CPED1: variants seen among roughly 807,000 people sequenced by gnomAD.
CPED1 encodes cadherin like and PC-esterase domain containing 1.
A neutral mutation model predicts 128.2 loss-of-function variants in CPED1; 114 were observed. The observed-to-expected ratio is 0.89, with a 90% CI of 0.76 to 1.04. The LOEUF (loss-of-function observed/expected upper bound fraction) is 1.04. CPED1 is among the 50% of genes least tolerant of loss of function. The probability of loss-of-function intolerance (pLI) is 0.00; values close to 1 mark genes in which losing one functional copy is unlikely to be tolerated. For missense variants in CPED1, 1,211 were observed against 1,207.1 expected (o/e 1.00, Z -0.05); for synonymous variants, 462 against 426.7 (o/e 1.08, Z -1.02).
At chr7:121,200,987 G>A (rs1274471284) in intron 16 of CPED1, among the ~76,000 whole-genome samples, 8 of 152,082 alleles carry the variant, frequency 5.3e-5, no homozygotes, top group African/African-American at 1.9e-4. Flanking sequence ...GATAGGGCAA[G>A]GCACAGAATC....
chr7:121,186,659 A>G (rs1007072450), intron 16 of CPED1, among the ~76,000 whole-genome samples: 9 of 152,180 alleles, frequency 5.9e-5, no homozygotes, highest in African/African-American at 2.2e-4. Flanking sequence ...TAAAAAAATT[A>G]TGCATCCTGT....
chr7:121,243,776 G>A (rs560669541), intron 17 of CPED1, among the ~76,000 whole-genome samples: 7 of 152,216 alleles, frequency 4.6e-5, no homozygotes, highest in African/African-American at 1.7e-4. Context: ...TTGAGAGCAG[G>A]GAATAGATCT....
chr7:120,997,793 G>A (rs893893118), intron 2 of CPED1, among the ~76,000 whole-genome samples: 3 of 151,792 alleles, frequency 2.0e-5, no homozygotes, highest in Non-Finnish European at 4.4e-5. Context: ...ATGGTGGCGG[G>A]CACCTGTAAT....
At chr7:121,074,509 G>GTTTTTTTGTTTTTTTT (rs1794073181) in intron 5 of CPED1, among the ~76,000 whole-genome samples, 1 of 80,838 alleles carries the variant, frequency 1.2e-5, no homozygotes. Flanking sequence ...TTTCCTTTGT[G>GTTTTTTTGTTTTTTTT]TTTTTTTTTT....
At chr7:121,108,191 A>G in intron 7 of CPED1, among the ~76,000 whole-genome samples, 1 of 152,140 alleles carries the variant, frequency 6.6e-6, no homozygotes, top group East Asian at 1.9e-4. Flanking sequence ...TTAGCAAAGC[A>G]TGGAGCATTT....
intron 5 of CPED1, among the ~76,000 whole-genome samples, chr7:121,089,659 C>A (rs899575782): frequency 1.3e-5 from 2 of 151,954 alleles, no homozygotes; most frequent in African/African-American, 2.4e-5. Flanking sequence ...AGAAAATATT[C>A]CTGAGAAAAA....
rs191801387 is a variant in CPED1, at chr7:121,224,212, A to G, written c.2056-12502A>G. On this transcript the variant is annotated intron_variant, in intron 16 of 22. Coordinates refer to ENST00000310396, the MANE Select transcript of CPED1 (RefSeq NM_024913.5). ...TCTTTATTTCTGCCTTCATTTTGTT[A>G]TTTACCCAGTAGTCATTCAGGAGCA... 1.1e-3 allele frequency among the ~76,000 whole-genome samples: 174 copies of G among 152,124 alleles called. 1 individual carries two copies. Among genetic ancestry groups the G allele is most frequent in the African/African-American group, 4.0e-3 (166 of 41,506 alleles).
intron 5 of CPED1, among the ~76,000 whole-genome samples, chr7:121,072,988 G>A (rs1794032256): frequency 6.6e-6 from 1 of 152,030 alleles, no homozygotes; most frequent in African/African-American, 2.4e-5. Flanking sequence ...GTCACAATGT[G>A]GCTTTGTTGC....
chr7:121,159,179 T>C (rs1320367475), intron 16 of CPED1, among the ~76,000 whole-genome samples: 1 of 152,130 alleles, frequency 6.6e-6, no homozygotes, highest in Admixed American at 6.6e-5. Context: ...AAAGTTGCTT[T>C]TGCAGACCCA....
chr7:121,284,008 T>C (rs1792513379), intron 22 of CPED1, among the ~76,000 whole-genome samples: 1 of 152,230 alleles, frequency 6.6e-6, no homozygotes, highest in South Asian at 2.1e-4. Flanking sequence ...TCCGTTCTCA[T>C]GCTGCTATAA....
rs1287664515 is a variant in CPED1 at position 121,296,541 on chromosome 7, G to A, written c.*889G>A. On this transcript the variant is annotated 3_prime_UTR_variant, in exon 23 of 23. Transcript: ENST00000310396. Reference sequence around the variant, plus strand: ...ATGTAAATATTTTGCAAAGGACTATGCATTCTGAAATGCATAGGTGCTTTT... The same window carrying A: ...ATGTAAATATTTTGCAAAGGACTATACATTCTGAAATGCATAGGTGCTTTT... 2 of 152,012 alleles carry A rather than the reference G, an allele frequency of 1.3e-5. No individual in the cohort carries two copies. Among genetic ancestry groups the A allele is most frequent in the African/African-American group, 4.8e-5 (2 of 41,404 alleles). The allele number at this position is 152,012 out of a possible 1,614,324, so 9.4% of individuals were successfully genotyped here.
chr7:121,240,178 C>A (rs976778525), intron 17 of CPED1, among the ~76,000 whole-genome samples: 3 of 152,126 alleles, frequency 2.0e-5, no homozygotes, highest in Non-Finnish European at 4.4e-5. Flanking sequence ...TATGTGCATG[C>A]GATTTCATGT....
At chr7:121,042,953 A>T (rs573239132) in intron 3 of CPED1, among the ~76,000 whole-genome samples, 1 of 152,190 alleles carries the variant, frequency 6.6e-6, no homozygotes. Flanking sequence ...ACCCAAATTG[A>T]CCAGGGGCTT....
intron 20 of CPED1, 140 bp from the exon 21 acceptor site, chr7:121,267,075 A>G: frequency 1.6e-6 from 1 of 622,182 alleles, no homozygotes; most frequent in Non-Finnish European, 2.8e-6. Flanking sequence ...TTATACATCA[A>G]ATATATAAAA....
chr7:121,027,360 C>A (rs1792617774), intron 3 of CPED1, among the ~76,000 whole-genome samples: 1 of 151,882 alleles, frequency 6.6e-6, no homozygotes, highest in Admixed American at 6.6e-5. Context: ...GTATTTCATT[C>A]ATCTATTTAT....
intron 16 of CPED1, among the ~76,000 whole-genome samples, chr7:121,150,829 C>T (rs1274551471): frequency 6.6e-6 from 1 of 151,976 alleles, no homozygotes; most frequent in Non-Finnish European, 1.5e-5. Flanking sequence ...AGTGCAATGG[C>T]ACAGTCTTGG....
At chr7:121,011,168 G>A (rs1792156535) in intron 2 of CPED1, among the ~76,000 whole-genome samples, 1 of 151,696 alleles carries the variant, frequency 6.6e-6, no homozygotes, top group African/African-American at 2.4e-5. Flanking sequence ...ATAAATACAT[G>A]GCTACTTTAA....
rs148499924 is a variant in CPED1 at position 121,060,662 on chromosome 7, G to A, written c.541-3576G>A. On this transcript the variant is annotated intron_variant, in intron 4 of 22. Coordinates refer to ENST00000310396, the MANE Select transcript of CPED1 (RefSeq NM_024913.5). ...TGTGTCTAGCTCAGGGATTGTAAAC[G>A]CACCAATCAGTGCCCTGTCAAAACA... is the stretch of plus-strand genomic sequence containing the variant. 5.8e-3 allele frequency among the ~76,000 whole-genome samples: 879 copies of A among 152,222 alleles called. 7 individuals carry two copies. The highest frequency in any genetic ancestry group is 0.01 in the Non-Finnish European group (699 of 68,002).
At chr7:120,998,569 C>G (rs1796449211) in intron 2 of CPED1, among the ~76,000 whole-genome samples, 1 of 152,064 alleles carries the variant, frequency 6.6e-6, no homozygotes, top group African/African-American at 2.4e-5. Context: ...CCTATAGACC[C>G]TAACATTTGG....
Sources: gnomAD v4.1 joint callset for allele counts (sites outside exome capture counted in the v4.1 genomes callset) on GRCh38, gnomAD v4.1.1 for gene constraint, MANE v1.5 for transcripts, NCBI Gene and HGNC (gene_info 2026-07-23, HGNC 2026-07-21) for gene names.